The following RNF150 variants were observed in gnomAD, a reference collection of about 807,000 sequenced individuals.
RNF150 encodes the protein ring finger protein 150.
RNF150 carries 24 observed loss-of-function variants against 39.3 expected under a neutral mutation model. The observed-to-expected ratio is 0.61, with a 90% CI of 0.44 to 0.86. The LOEUF (loss-of-function observed/expected upper bound fraction) is 0.86, where lower values mean the gene tolerates loss of function less well. RNF150 is among the 40% of genes least tolerant of loss of function. RNF150 has a pLI of 0.00. For synonymous variants in RNF150, 255 were observed against 227.3 expected (o/e 1.12, Z -1.10); for missense variants, 502 against 587.8 (o/e 0.85, Z 1.51).
intron 1 of RNF150, among the ~76,000 whole-genome samples, chr4:141,063,275 T>C (rs191018835): frequency 6.6e-6 from 1 of 152,234 alleles, no homozygotes; most frequent in African/African-American, 2.4e-5. Context: ...AAGCAGATGT[T>C]ATCTCAATGA....
At chr4:141,123,315 A>G (rs963208199) in intron 1 of RNF150, among the ~76,000 whole-genome samples, 16 of 152,184 alleles carry the variant, frequency 1.1e-4, no homozygotes, top group African/African-American at 3.6e-4. Context: ...TACTGAGAAG[A>G]GCAAAGATCA....
At chr4:140,900,440 T>C (rs1004886508) in intron 6 of RNF150, among the ~76,000 whole-genome samples, 3 of 119,836 alleles carry the variant, frequency 2.5e-5, no homozygotes, top group Non-Finnish European at 5.5e-5. Context: ...TATGAGATCA[T>C]GGTCATAAAG....
At chr4:140,932,637 C>T (rs1189921869) in intron 4 of RNF150, among the ~76,000 whole-genome samples, 3 of 152,106 alleles carry the variant, frequency 2.0e-5, no homozygotes, top group Non-Finnish European at 4.4e-5. Context: ...CCTCTCTGAG[C>T]CTTAGTTTCT....
At chr4:141,078,950 T>TAC (rs1184065621) in intron 1 of RNF150, among the ~76,000 whole-genome samples, 85 of 150,866 alleles carry the variant, frequency 5.6e-4, no homozygotes, top group African/African-American at 2.0e-3. Context: ...CACATATATA[T>TAC]ACACATATAT....
At chr4:141,130,653 CAAAG>C (rs909652649) in intron 1 of RNF150, among the ~76,000 whole-genome samples, 14 of 152,154 alleles carry the variant, frequency 9.2e-5, no homozygotes, top group African/African-American at 3.4e-4. Flanking sequence ...CACAGAGAAA[CAAAG>C]AATCTCACAA....
Position 140,896,721 on chromosome 4 carries a change from CA to C in RNF150, c.1198+14422del, listed in dbSNP as rs1162045168. Among the ~76,000 whole-genome samples the C allele has an allele frequency of 3.8e-3, 215 of 56,100 alleles. 6 individuals are homozygous for C. The highest frequency in any genetic ancestry group is 6.9e-3 in the African/African-American group (142 of 20,480). 36.8% of individuals were successfully genotyped at this position (56,100 alleles called of 152,430 possible). On this transcript the variant is annotated intron_variant, in intron 6 of 6. Coordinates refer to ENST00000515673, the MANE Select transcript of RNF150 (RefSeq NM_020724.2). ...AAAAACAAAAAAACAAACAAACAAA[CA>C]AAAAAAAATAATTTTTTTTCTTTAA...
At chr4:141,119,083 A>G (rs1443773025) in intron 1 of RNF150, among the ~76,000 whole-genome samples, 1 of 152,196 alleles carries the variant, frequency 6.6e-6, no homozygotes, top group Non-Finnish European at 1.5e-5. Flanking sequence ...GATTAAATTC[A>G]TTTTGGAGCA....
chr4:140,869,094 A>G (rs1006707497), intron 6 of RNF150, among the ~76,000 whole-genome samples: 3 of 152,216 alleles, frequency 2.0e-5, no homozygotes, highest in African/African-American at 7.2e-5. Context: ...TGGAGATGCA[A>G]AACTATTCAA....
At chr4:141,040,345 C>G (rs1042328895) in intron 1 of RNF150, among the ~76,000 whole-genome samples, 1 of 152,072 alleles carries the variant, frequency 6.6e-6, no homozygotes, top group African/African-American at 2.4e-5. Context: ...TGGTCAAGTA[C>G]TAATATTTTA....
At chr4:141,207,679 C>A (rs1728395781) in intron 1 of RNF150, among the ~76,000 whole-genome samples, 1 of 152,140 alleles carries the variant, frequency 6.6e-6, no homozygotes, top group Non-Finnish European at 1.5e-5. Context: ...GAAGAGAAAG[C>A]CTACCCAGAC....
intron 1 of RNF150, among the ~76,000 whole-genome samples, chr4:141,108,831 C>T (rs1390066596): frequency 7.9e-5 from 12 of 152,310 alleles, no homozygotes; most frequent in African/African-American, 2.9e-4. Context: ...TTCTTTCTAA[C>T]AGTTCACTGT....
At chr4:141,044,975 G>A (rs1215333988) in intron 1 of RNF150, among the ~76,000 whole-genome samples, 1 of 152,140 alleles carries the variant, frequency 6.6e-6, no homozygotes, top group Non-Finnish European at 1.5e-5. Flanking sequence ...CCAAGGCATT[G>A]AGCTAAGTAT....
intron 1 of RNF150, among the ~76,000 whole-genome samples, chr4:141,150,678 T>C (rs927702714): frequency 5.9e-5 from 9 of 152,176 alleles, no homozygotes; most frequent in Admixed American, 5.9e-4. Context: ...CCTTTTCTAC[T>C]CTTTTTCCCC....
chr4:140,908,442 G>A (rs1730473455), intron 6 of RNF150, among the ~76,000 whole-genome samples: 1 of 152,110 alleles, frequency 6.6e-6, no homozygotes, highest in Non-Finnish European at 1.5e-5. Context: ...CTGAGAAACT[G>A]ATAGCCATAT....
Position 140,903,844 on chromosome 4 carries a change from A to G in RNF150, c.1198+7300T>C, listed in dbSNP as rs144504845. The stretch of plus-strand genomic sequence containing the variant: ...TGTCATACTCAGGCTGAGTGCTCCA[A>G]GTAGCAATATATCTGTGGTCTAAAT... On this transcript the variant is annotated intron_variant, in intron 6 of 6. Coordinates refer to ENST00000515673, the MANE Select transcript of RNF150 (RefSeq NM_020724.2). Among the ~76,000 whole-genome samples the G allele has an allele frequency of 1.9e-3, 286 of 152,286 alleles. 2 individuals are homozygous for G. The highest frequency in any genetic ancestry group is 6.5e-3 in the African/African-American group (271 of 41,554).
intron 1 of RNF150, among the ~76,000 whole-genome samples, chr4:141,059,988 A>G (rs1294591600): frequency 6.6e-6 from 1 of 152,208 alleles, no homozygotes; most frequent in Non-Finnish European, 1.5e-5. Flanking sequence ...ATATAAAAAA[A>G]GAAATAAAAA....
intron 4 of RNF150, chr4:140,944,582 T>C (rs1041191774): frequency 6.6e-6 from 1 of 152,210 alleles, no homozygotes; most frequent in East Asian, 1.9e-4. Flanking sequence ...AATTTGTTCA[T>C]GGGTCTCAGA....
At chr4:140,870,226 C>T (rs77604111) in intron 6 of RNF150, among the ~76,000 whole-genome samples, 2,362 of 152,232 alleles carry the variant, frequency 0.016, 63 homozygotes, top group African/African-American at 0.052. Context: ...CCTAGATCCA[C>T]AATTGCAGGA....
intron 4 of RNF150, 27 bp from the exon 5 acceptor site, chr4:140,926,100 G>C: frequency 1.3e-6 from 2 of 1,534,322 alleles, no homozygotes. Context: ...ACATCTTAGA[G>C]CGGCGGTAAC....
Sources: gnomAD v4.1 joint callset for allele counts (sites outside exome capture counted in the v4.1 genomes callset) on GRCh38, gnomAD v4.1.1 for gene constraint, MANE v1.5 for transcripts, NCBI Gene and HGNC (gene_info 2026-07-23, HGNC 2026-07-21) for gene names.